Variants in NKAIN3 observed in about 807,000 individuals in gnomAD.
NKAIN3 encodes sodium/potassium-transporting ATPase subunit beta-1-interacting protein 3.
NKAIN3 carries 25 observed loss-of-function variants against 30.2 expected under a neutral mutation model. The observed-to-expected ratio is 0.83, with a 90% CI of 0.60 to 1.16. The LOEUF (loss-of-function observed/expected upper bound fraction) is 1.16, where lower values mean the gene tolerates loss of function less well. Ranked by LOEUF, NKAIN3 falls within the 50% of genes most tolerant of loss-of-function variation. The probability of loss-of-function intolerance (pLI) is 0.00; values close to 1 mark genes in which losing one functional copy is unlikely to be tolerated. For synonymous variants in NKAIN3, 91 were observed against 89.6 expected (o/e 1.02, Z -0.09); for missense variants, 225 against 254.1 (o/e 0.89, Z 0.78).
chr8:62,787,633 C>T (rs1014885131), intron 4 of NKAIN3, among the ~76,000 whole-genome samples: 45 of 152,294 alleles, frequency 3.0e-4, no homozygotes, highest in African/African-American at 1.0e-3. Context: ...CACCCATTAA[C>T]TCATCATTTA....
intron 1 of NKAIN3, among the ~76,000 whole-genome samples, chr8:62,405,776 A>G (rs1008332849): frequency 1.3e-5 from 2 of 152,044 alleles, no homozygotes; most frequent in Non-Finnish European, 2.9e-5. Flanking sequence ...TAGTTGTCCA[A>G]TTTGGTGTTC....
At chr8:62,715,947 G>A (rs187106910) in intron 3 of NKAIN3, among the ~76,000 whole-genome samples, 163 of 152,304 alleles carry the variant, frequency 1.1e-3, no homozygotes, top group Non-Finnish European at 2.1e-3. Context: ...TGACATAAAG[G>A]CACTTAGCAC....
chr8:62,547,227 A>G (rs892692162), intron 1 of NKAIN3, among the ~76,000 whole-genome samples: 2 of 152,154 alleles, frequency 1.3e-5, no homozygotes, highest in Admixed American at 6.5e-5. Context: ...CATTAGCATC[A>G]TGGTGATTTC....
rs953078555 is a variant in NKAIN3 at position 62,339,080 on chromosome 8, G to T, written c.54+89953G>T. Among the ~76,000 whole-genome samples the T allele has an allele frequency of 5.9e-5, 9 of 152,110 alleles. No homozygotes were observed. In the East Asian group the frequency reaches 1.6e-3, roughly 26 times the overall value. On this transcript the variant is annotated intron_variant, in intron 1 of 6. Coordinates refer to ENST00000623646, the MANE Select transcript of NKAIN3 (RefSeq NM_001304533.3). ...AGAAGAATCTAAAGAATAAGAAGGA[G>T]ATGCCTGTGATTAGACCACTAGGAA...
intron 1 of NKAIN3, among the ~76,000 whole-genome samples, chr8:62,577,584 A>G (rs1810157058): frequency 6.7e-6 from 1 of 150,068 alleles, no homozygotes; most frequent in Non-Finnish European, 1.5e-5. Context: ...ACATTTAAAA[A>G]ATACATATTT....
chr8:62,980,971 C>T lies in NKAIN3; in HGVS notation c.*15564C>T, dbSNP rs573706403. On this transcript the variant is annotated 3_prime_UTR_variant, in exon 7 of 7. Coordinates refer to ENST00000623646, the MANE Select transcript of NKAIN3 (RefSeq NM_001304533.3). ...CCAGAAGTCAAAATCACCTGGCCCT[C>T]TGTAAATTTCTCTTTGTGTTCCTAG... 1.3e-5 allele frequency: 2 copies of T among 152,314 alleles called. No individual in the cohort carries two copies. Among genetic ancestry groups the T allele is most frequent in the East Asian group, 3.9e-4 (2 of 5,188 alleles). 9.4% of individuals were successfully genotyped at this position (152,314 alleles called of 1,614,324 possible). A position where few individuals can be genotyped will look rare whatever the true frequency, so the allele number is the denominator to read the frequency against.
intron 1 of NKAIN3, among the ~76,000 whole-genome samples, chr8:62,360,178 A>G (rs1816506271): frequency 6.6e-6 from 1 of 152,188 alleles, no homozygotes; most frequent in South Asian, 2.1e-4. Context: ...CCAGGTAGCT[A>G]TTAGTGGTCA....
At chr8:62,688,768 A>C (rs964989371) in intron 3 of NKAIN3, among the ~76,000 whole-genome samples, 3 of 151,848 alleles carry the variant, frequency 2.0e-5, no homozygotes, top group African/African-American at 7.3e-5. Context: ...ACACACACAC[A>C]CACAAAACCA....
At chr8:62,667,134 A>G (rs1318669754) in intron 3 of NKAIN3, among the ~76,000 whole-genome samples, 1 of 105,954 alleles carries the variant, frequency 9.4e-6, no homozygotes, top group African/African-American at 3.7e-5. Context: ...AACATCACAC[A>G]CTCGGACCTG....
chr8:62,827,295 G>A (rs1184250668), intron 4 of NKAIN3, among the ~76,000 whole-genome samples: 1 of 152,188 alleles, frequency 6.6e-6, no homozygotes, highest in African/African-American at 2.4e-5. Flanking sequence ...AGAACTGGAA[G>A]TAAGGACTTC....
intron 1 of NKAIN3, among the ~76,000 whole-genome samples, chr8:62,364,122 T>G (rs1021902862): frequency 6.6e-6 from 1 of 152,214 alleles, no homozygotes; most frequent in South Asian, 2.1e-4. Context: ...TAAGAAAAAC[T>G]GAATGTCTGT....
intron 4 of NKAIN3, among the ~76,000 whole-genome samples, chr8:62,763,467 T>C (rs1173458372): frequency 6.6e-6 from 1 of 152,096 alleles, no homozygotes. Flanking sequence ...TTTATTTAAA[T>C]TGATTAATGT....
At chr8:62,341,973 C>T (rs1483601655) in intron 1 of NKAIN3, among the ~76,000 whole-genome samples, 1 of 151,892 alleles carries the variant, frequency 6.6e-6, no homozygotes, top group East Asian at 1.9e-4. Context: ...TTTTTGAAAG[C>T]TAATAAACTA....
At chr8:62,431,118 A>G (rs1339194778) in intron 1 of NKAIN3, among the ~76,000 whole-genome samples, 1 of 151,812 alleles carries the variant, frequency 6.6e-6, no homozygotes, top group Admixed American at 6.6e-5. Context: ...TTACTTGGAA[A>G]CCATTTTTCC....
At chr8:62,271,301 A>T (rs555833599) in intron 1 of NKAIN3, among the ~76,000 whole-genome samples, 1 of 152,296 alleles carries the variant, frequency 6.6e-6, no homozygotes, top group South Asian at 2.1e-4. Flanking sequence ...ATCTGTTCTT[A>T]CTGTTGTCTT....
intron 3 of NKAIN3, among the ~76,000 whole-genome samples, chr8:62,729,360 C>T (rs1028923748): frequency 3.3e-5 from 5 of 152,138 alleles, no homozygotes; most frequent in Non-Finnish European, 1.5e-5. Context: ...ATCCAGAACA[C>T]CAACACCACC....
chr8:62,598,729 G>A (rs1252857130), intron 3 of NKAIN3, among the ~76,000 whole-genome samples: 1 of 152,020 alleles, frequency 6.6e-6, no homozygotes, highest in African/African-American at 2.4e-5. Flanking sequence ...CACTGTGTTG[G>A]AGGGACAACA....
chr8:62,440,699 T>C (rs1416069785), intron 1 of NKAIN3, among the ~76,000 whole-genome samples: 2 of 118,904 alleles, frequency 1.7e-5, no homozygotes, highest in Non-Finnish European at 4.2e-5. Flanking sequence ...CTTCTTCTTC[T>C]TTATTTTTTT....
chr8:62,725,062 A>G (rs1027777326), intron 3 of NKAIN3, among the ~76,000 whole-genome samples: 1 of 152,020 alleles, frequency 6.6e-6, no homozygotes, highest in Admixed American at 6.6e-5. Context: ...TGTCTTTTGG[A>G]TATAAGCCAT....
Sources: allele counts gnomAD v4.1 joint callset (sites outside exome capture counted in the v4.1 genomes callset), GRCh38; gene constraint gnomAD v4.1.1; transcripts MANE v1.5; gene names NCBI Gene and HGNC (gene_info 2026-07-23, HGNC 2026-07-21).